Variants in PRKCB observed in about 807,000 individuals in gnomAD.
PRKCB encodes protein kinase C beta type.
PRKCB carries 13 observed loss-of-function variants against 81.5 expected under a neutral mutation model. The observed-to-expected ratio is 0.16, with a 90% CI of 0.10 to 0.25. PRKCB has a LOEUF of 0.25. Among genes scored for constraint, PRKCB ranks in the 10% least tolerant of loss-of-function variants. The pLI, the probability that PRKCB is intolerant of heterozygous loss-of-function variation, is 1.00. For missense variants in PRKCB, 509 were observed against 875.7 expected (o/e 0.58, Z 5.29); for synonymous variants, 335 against 321.4 (o/e 1.04, Z -0.45).
At chr16:23,940,800 G>A (rs962251687) in intron 2 of PRKCB, among the ~76,000 whole-genome samples, 1 of 152,030 alleles carries the variant, frequency 6.6e-6, no homozygotes, top group Non-Finnish European at 1.5e-5. Context: ...TGGTACTCTC[G>A]GATTTATGTC....
intron 9 of PRKCB, among the ~76,000 whole-genome samples, chr16:24,131,722 T>G (rs980986841): frequency 2.0e-5 from 3 of 152,254 alleles, no homozygotes; most frequent in African/African-American, 4.8e-5. Context: ...TTTAATGTGT[T>G]TGGTTTGATA....
intron 7 of PRKCB, among the ~76,000 whole-genome samples, chr16:24,100,320 C>T (rs1036038837): frequency 3.3e-5 from 5 of 152,100 alleles, no homozygotes; most frequent in Non-Finnish European, 5.9e-5. Flanking sequence ...TTTTAGCCTA[C>T]GTTCCTAAAC....
At chr16:23,978,210 A>G (rs975755675) in intron 2 of PRKCB, among the ~76,000 whole-genome samples, 5 of 152,240 alleles carry the variant, frequency 3.3e-5, no homozygotes, top group African/African-American at 1.2e-4. Context: ...ACTCTGGACC[A>G]GTGAACCCAG....
At chr16:24,011,105 A>G (rs927160312) in intron 3 of PRKCB, among the ~76,000 whole-genome samples, 7 of 152,038 alleles carry the variant, frequency 4.6e-5, no homozygotes, top group Admixed American at 2.0e-4. Flanking sequence ...GGCTCAAGCA[A>G]TCCTCCCACC....
chr16:23,923,727 T>G (rs1272716752), intron 2 of PRKCB, among the ~76,000 whole-genome samples: 1 of 152,066 alleles, frequency 6.6e-6, no homozygotes, highest in African/African-American at 2.4e-5. Context: ...ACAGGGTTTC[T>G]CCTAATACTG....
intron 8 of PRKCB, among the ~76,000 whole-genome samples, chr16:24,116,541 G>A (rs1335612211): frequency 6.6e-6 from 1 of 152,200 alleles, no homozygotes; most frequent in East Asian, 1.9e-4. Context: ...GGGAACAAGT[G>A]GAACAGACAC....
intron 3 of PRKCB, 27 bp downstream of exon 3, chr16:23,988,617 C>G (rs1964832366): frequency 6.3e-7 from 1 of 1,591,944 alleles, no homozygotes. Flanking sequence ...GATTGCTTTT[C>G]TCTGTCCACA....
intron 2 of PRKCB, among the ~76,000 whole-genome samples, chr16:23,875,309 G>A (rs1207138862): frequency 3.3e-5 from 5 of 151,770 alleles, no homozygotes; most frequent in Admixed American, 2.0e-4. Context: ...AAAGTGCTGG[G>A]ATTACAAGCG....
At position 24,218,396 on chromosome 16, in the gene PRKCB, G is replaced by T. The variant is rs1968265123; in HGVS notation, c.*3580G>T. ...CAGCAAGCAGGACAAGACAAAAAGG[G>T]CAGGTGGGACATGGTAGAGATGGAC... On this transcript the variant is annotated 3_prime_UTR_variant, in exon 17 of 17. Coordinates refer to ENST00000643927, the MANE Select transcript of PRKCB (RefSeq NM_002738.7). 2 of 985,214 alleles carry T rather than the reference G, an allele frequency of 2.0e-6. No individual in the cohort carries two copies. The highest frequency in any genetic ancestry group is 2.4e-6 in the Non-Finnish European group (2 of 829,914). 61.0% of individuals were successfully genotyped at this position (985,214 alleles called of 1,614,324 possible). A position where few individuals can be genotyped will look rare whatever the true frequency, so the allele number is the denominator to read the frequency against.
chr16:23,882,066 C>A (rs568584696), intron 2 of PRKCB, among the ~76,000 whole-genome samples: 1 of 72,422 alleles, frequency 1.4e-5, no homozygotes, highest in Non-Finnish European at 2.5e-5. Context: ...TCTTCCTTTC[C>A]TTTCTTTCTT....
intron 2 of PRKCB, among the ~76,000 whole-genome samples, chr16:23,856,165 C>T (rs1567291273): frequency 6.6e-6 from 1 of 152,190 alleles, no homozygotes; most frequent in Non-Finnish European, 1.5e-5. Flanking sequence ...ATGGGAATAG[C>T]TTGTCCTGGG....
intron 2 of PRKCB, among the ~76,000 whole-genome samples, chr16:23,911,119 G>T (rs1014042710): frequency 8.4e-5 from 4 of 47,466 alleles, no homozygotes; most frequent in Admixed American, 2.8e-4. Context: ...AGCCATAAAC[G>T]TATATATGCT....
intron 7 of PRKCB, among the ~76,000 whole-genome samples, chr16:24,102,415 G>T (rs2141908731): frequency 6.6e-6 from 1 of 152,326 alleles, no homozygotes; most frequent in Non-Finnish European, 1.5e-5. Context: ...TTGCCCCTGG[G>T]ATTCTTTGAA....
chr16:23,863,937 A>C (rs1962728549), intron 2 of PRKCB, among the ~76,000 whole-genome samples: 1 of 152,072 alleles, frequency 6.6e-6, no homozygotes, highest in South Asian at 2.1e-4. Flanking sequence ...TCTTTGTTTA[A>C]ATAAAAGAGG....
At chr16:24,017,507 C>A (rs993855045) in intron 3 of PRKCB, among the ~76,000 whole-genome samples, 2 of 152,132 alleles carry the variant, frequency 1.3e-5, no homozygotes, top group African/African-American at 4.8e-5. Flanking sequence ...GGCACACACA[C>A]ACACACACAC....
intron 6 of PRKCB, among the ~76,000 whole-genome samples, chr16:24,093,754 A>G (rs570220677): frequency 1.1e-4 from 17 of 152,062 alleles, no homozygotes; most frequent in Non-Finnish European, 1.8e-4. Context: ...AGAACAGACA[A>G]TTTCCCCAGG....
At chr16:24,152,699 G>A (rs1967097648) in intron 9 of PRKCB, among the ~76,000 whole-genome samples, 1 of 152,150 alleles carries the variant, frequency 6.6e-6, no homozygotes, top group Non-Finnish European at 1.5e-5. Flanking sequence ...AGTAAGCATT[G>A]AGGAAGGAAA....
chr16:23,972,478 C>G (rs1348673764), intron 2 of PRKCB, among the ~76,000 whole-genome samples: 1 of 152,102 alleles, frequency 6.6e-6, no homozygotes, highest in Admixed American at 6.5e-5. Flanking sequence ...TAGAGACAAC[C>G]ACCACCATCC....
intron 2 of PRKCB, among the ~76,000 whole-genome samples, chr16:23,947,069 T>A (rs1271096649): frequency 3.3e-5 from 5 of 152,212 alleles, no homozygotes; most frequent in African/African-American, 1.2e-4. Context: ...TTGGCCAGGC[T>A]GGTCTCGAAC....
Sources: gnomAD v4.1 joint callset for allele counts (sites outside exome capture counted in the v4.1 genomes callset) on GRCh38, gnomAD v4.1.1 for gene constraint, MANE v1.5 for transcripts, NCBI Gene and HGNC (gene_info 2026-07-23, HGNC 2026-07-21) for gene names.